The following STK10 variants were observed in gnomAD, a reference collection of about 807,000 sequenced individuals.
STK10 encodes the protein serine/threonine-protein kinase 10.
STK10 carries 78 observed loss-of-function variants against 113.8 expected under a neutral mutation model. That is an observed-to-expected ratio of 0.69 (90% confidence interval 0.57 to 0.83). The LOEUF (loss-of-function observed/expected upper bound fraction) is 0.83, where lower values mean the gene tolerates loss of function less well. Among genes scored for constraint, STK10 ranks in the 40% least tolerant of loss-of-function variants. The pLI, the probability that STK10 is intolerant of heterozygous loss-of-function variation, is 0.00. For missense variants in STK10, 1,109 were observed against 1,280.1 expected (o/e 0.87, Z 2.04); for synonymous variants, 465 against 494.7 (o/e 0.94, Z 0.80).
At chr5:172,054,234 C>T (rs1235717336) in intron 17 of STK10, among the ~76,000 whole-genome samples, 1 of 152,188 alleles carries the variant, frequency 6.6e-6, no homozygotes, top group Non-Finnish European at 1.5e-5. Context: ...CCCCAACCAC[C>T]TTTGCCCAAA....
chr5:172,151,337 TTTCTTTTTC>T (rs1770228118), intron 2 of STK10, among the ~76,000 whole-genome samples: 1 of 151,918 alleles, frequency 6.6e-6, no homozygotes, highest in Non-Finnish European at 1.5e-5. Flanking sequence ...TTTTCTTTTT[TTTCTTTTTC>T]TTTTTTTTTT....
chr5:172,045,400 A>G (rs1467188067), intron 18 of STK10: 2 of 476,062 alleles, frequency 4.2e-6, no homozygotes, highest in East Asian at 1.3e-4. Flanking sequence ...AGATGTCAGA[A>G]GTTTTTTTTT....
chr5:172,101,061 G>C (rs890312403), intron 7 of STK10, among the ~76,000 whole-genome samples: 2 of 152,178 alleles, frequency 1.3e-5, no homozygotes, highest in South Asian at 2.1e-4. Context: ...ACAGAGAGCT[G>C]AACAGCATCT....
rs147669997 is a variant in STK10, at chr5:172,083,840, G to T, written c.1686-756C>A. Among the ~76,000 whole-genome samples the T allele has an allele frequency of 2.6e-3, 390 of 151,424 alleles. 1 individual carries two copies. The highest frequency in any genetic ancestry group is 9.1e-3 in the African/African-American group (374 of 41,252). On this transcript the variant is annotated intron_variant, in intron 10 of 18. Transcript: ENST00000176763. The stretch of plus-strand genomic sequence containing the variant: ...GGAGAATCGCTTGAACCTGGGAGGT[G>T]GAGGTTCCAGTGGGCCGAGATGACG...
intron 2 of STK10, among the ~76,000 whole-genome samples, chr5:172,151,394 G>A (rs1395201947): frequency 6.6e-6 from 1 of 151,596 alleles, no homozygotes; most frequent in Non-Finnish European, 1.5e-5. Flanking sequence ...CACCCAGGCT[G>A]GAGTGCAATG....
At position 172,082,230 on chromosome 5, in the gene STK10, T is replaced by C; in HGVS notation, c.1989+96A>G. 7.2e-7 allele frequency: 1 copy of C among 1,380,776 alleles called. No homozygotes were observed. Among genetic ancestry groups the C allele is most frequent in the Non-Finnish European group, 9.5e-7 (1 of 1,048,270 alleles). The allele number at this position is 1,380,776 out of a possible 1,614,324, so 85.5% of individuals were successfully genotyped here. On this transcript the variant is annotated intron_variant, in intron 12 of 18. Coordinates refer to ENST00000176763, the MANE Select transcript of STK10 (RefSeq NM_005990.4). The surrounding 1 kb of genome is among the most constrained non-coding windows in gnomAD (Gnocchi z 4.3). ...CTCCCGAGCTCTTCAGCCGTACCCC[T>C]CTGCTGCCAAGGTGAGGTTGAGGCC...
chr5:172,071,212 C>CAAAAAAAAAAAAAAAAAAAA (rs369407918), intron 12 of STK10, among the ~76,000 whole-genome samples: 6 of 26,580 alleles, frequency 2.3e-4, no homozygotes, highest in African/African-American at 6.3e-4. Flanking sequence ...CTCTCTATCT[C>CAAAAAAAAAAAAAAAAAAAA]AAAAAAAAAA....
chr5:172,107,917 G>T, intron 4 of STK10, 65 bp from the exon 5 acceptor site: 2 of 1,399,352 alleles, frequency 1.4e-6, no homozygotes, highest in African/African-American at 1.4e-5. Flanking sequence ...CGGGGATGTG[G>T]ACTCAGGGGT....
chr5:172,167,662 T>C (rs919588695), intron 1 of STK10, among the ~76,000 whole-genome samples: 2 of 152,226 alleles, frequency 1.3e-5, no homozygotes, highest in African/African-American at 4.8e-5. Context: ...CACTGTCTGA[T>C]ACAGTAGCTA....
chr5:172,176,562 AC>A (rs1448913041), intron 1 of STK10, among the ~76,000 whole-genome samples: 1 of 151,994 alleles, frequency 6.6e-6, no homozygotes, highest in African/African-American at 2.4e-5. Flanking sequence ...TGGCTCTGGC[AC>A]CCTGCAATTG....
At chr5:172,138,489 AAGTT>A (rs1769914595) in intron 2 of STK10, among the ~76,000 whole-genome samples, 1 of 151,976 alleles carries the variant, frequency 6.6e-6, no homozygotes, top group Non-Finnish European at 1.5e-5. Flanking sequence ...TTATGCAAGA[AAGTT>A]AGAATTAATA....
At position 172,093,984 on chromosome 5, in the gene STK10, T is replaced by TA; in HGVS notation, c.1006-25_1006-24insT. 2 of 1,344,856 alleles carry TA rather than the reference T, an allele frequency of 1.5e-6. No individual in the cohort carries two copies. Among genetic ancestry groups the TA allele is most frequent in the Non-Finnish European group, 9.7e-7 (1 of 1,036,042 alleles). 83.3% of individuals were successfully genotyped at this position (1,344,856 alleles called of 1,614,324 possible). A position where few individuals can be genotyped will look rare whatever the true frequency, so the allele number is the denominator to read the frequency against. ...GTCTAGAAAAATATATATATATATA[T>TA]TAAAGGCCATGCTGCTGTATGTTCA... On this transcript the variant is annotated intron_variant, in intron 8 of 18. Coordinates refer to ENST00000176763, the MANE Select transcript of STK10 (RefSeq NM_005990.4). The surrounding 1 kb of genome is among the most constrained non-coding windows in gnomAD (Gnocchi z 4.1).
chr5:172,064,428 C>A (rs2113706540), intron 13 of STK10: 1 of 462,584 alleles, frequency 2.2e-6, no homozygotes, highest in East Asian at 3.8e-5. Flanking sequence ...ATGTGACTTA[C>A]AAATAAATAA....
intron 1 of STK10, among the ~76,000 whole-genome samples, chr5:172,186,158 C>T (rs1427946806): frequency 6.6e-6 from 1 of 152,118 alleles, no homozygotes; most frequent in East Asian, 1.9e-4. Context: ...CCTGCAATCC[C>T]AGCTACTTGG....
intron 2 of STK10, among the ~76,000 whole-genome samples, chr5:172,148,594 G>A (rs1770137114): frequency 6.6e-6 from 1 of 152,258 alleles, no homozygotes; most frequent in African/African-American, 2.4e-5. Context: ...ACTGCCCAAG[G>A]GAGCAGCTGG....
rs140923899 is a variant in STK10, at chr5:172,045,277, G to A, written c.2767-255C>T. ...AGTTGGGGGAAATGTCAATCTAGAC[G>A]GGGCAGGGAGGAAAAAAAAGCAGAT... On this transcript the variant is annotated intron_variant, in intron 18 of 18. Transcript: ENST00000176763. 438 of 608,928 alleles carry A rather than the reference G, an allele frequency of 7.2e-4. 5 individuals carry two copies. The highest frequency in any genetic ancestry group is 5.9e-3 in the South Asian group (351 of 59,492). The allele number at this position is 608,928 out of a possible 1,614,324, so 37.7% of individuals were successfully genotyped here.
At chr5:172,122,401 G>A (rs1322291008) in intron 3 of STK10, among the ~76,000 whole-genome samples, 1 of 151,996 alleles carries the variant, frequency 6.6e-6, no homozygotes, top group Non-Finnish European at 1.5e-5. Context: ...TGTGCCTATA[G>A]TCTTGCCTTT....
chr5:172,098,474 C>T lies in STK10; in HGVS notation c.871-1914G>A, dbSNP rs112370375. ...TTGTTGGGCGGCAGGAGCCATGAGA[C>T]GGGCAGGATGGTGGGACACACAGGA... is the stretch of plus-strand genomic sequence containing the variant. On this transcript the variant is annotated intron_variant, in intron 7 of 18. Transcript: ENST00000176763. Among the ~76,000 whole-genome samples, 1,017 of 152,208 alleles carry T rather than the reference C, an allele frequency of 6.7e-3. 17 individuals carry two copies. The highest frequency in any genetic ancestry group is 0.023 in the African/African-American group (972 of 41,512).
intron 2 of STK10, among the ~76,000 whole-genome samples, chr5:172,129,912 G>A (rs1454741770): frequency 2.6e-5 from 4 of 152,190 alleles, no homozygotes; most frequent in African/African-American, 9.7e-5. Flanking sequence ...GCCCCAGGTC[G>A]GGACTCAGTT....
Sources: gnomAD v4.1 joint callset for allele counts (sites outside exome capture counted in the v4.1 genomes callset) on GRCh38, gnomAD v4.1.1 for gene constraint, Gnocchi (gnomAD v3.1) non-coding constraint, MANE v1.5 for transcripts, NCBI Gene and HGNC (gene_info 2026-07-23, HGNC 2026-07-21) for gene names.